Variants in PELI3 observed in about 807,000 individuals in gnomAD.
PELI3 encodes pellino E3 ubiquitin protein ligase family member 3.
Under a neutral mutation model 35.5 loss-of-function variants are expected in PELI3, and 19 were observed. The observed-to-expected ratio is 0.54, with a 90% CI of 0.37 to 0.79. The LOEUF (loss-of-function observed/expected upper bound fraction) is 0.79. Among genes scored for constraint, PELI3 ranks in the 30% least tolerant of loss-of-function variants. The pLI is 0.00. For synonymous variants in PELI3, 262 were observed against 279.2 expected (o/e 0.94, Z 0.62); for missense variants, 490 against 661.2 (o/e 0.74, Z 2.84).
rs376841377 is a variant in PELI3, at chr11:66,468,959, C to G, written c.224+55C>G. On this transcript the variant is annotated intron_variant, in intron 3 of 7. Coordinates refer to ENST00000320740, the MANE Select transcript of PELI3 (RefSeq NM_145065.3). ...GGTCTTTCTTACTCTAGGTCTAGTG[C>G]GCTTTCACTAAGCCACAGCTGACCC... is the stretch of plus-strand genomic sequence containing the variant. 1.2e-5 allele frequency: 8 copies of G among 692,980 alleles called. No homozygotes were observed. In the East Asian group the frequency reaches 1.9e-4, roughly 16 times the overall value. The allele number at this position is 692,980 out of a possible 1,614,324, so 42.9% of individuals were successfully genotyped here.
At chr11:66,471,183 T>G in intron 3 of PELI3, 59 bp from the exon 4 acceptor site, 1 of 1,537,972 alleles carries the variant, frequency 6.5e-7, no homozygotes, top group Non-Finnish European at 8.9e-7. Context: ...AGGGGTTCAC[T>G]TTCTCTCTTT....
chr11:66,476,435 G>A lies in PELI3; in HGVS notation c.*268G>A. The stretch of plus-strand genomic sequence containing the variant: ...CCAGCCCCATGGCCTTGCCCTTCCT[G>A]GGGCATCCCACATCGTGCCGCCGAC... On this transcript the variant is annotated 3_prime_UTR_variant, in exon 8 of 8. Coordinates refer to ENST00000320740, the MANE Select transcript of PELI3 (RefSeq NM_145065.3). 1 of 519,128 alleles carries A rather than the reference G, an allele frequency of 1.9e-6. No individual in the cohort carries two copies. Among genetic ancestry groups the A allele is most frequent in the East Asian group, 3.4e-5 (1 of 29,754 alleles). The allele number at this position is 519,128 out of a possible 1,614,324, so 32.2% of individuals were successfully genotyped here.
rs1299469880 is a variant in PELI3, at chr11:66,472,410, G to A, written c.396G>A (p.Leu132=). The A allele has an allele frequency of 4.3e-6, 7 of 1,613,964 alleles. No individual in the cohort carries two copies. The highest frequency in any genetic ancestry group is 1.6e-4 in the Middle Eastern group (1 of 6,084). ...GTCAGCACAGCATCTCGTATACACTGTCCCGGAGCCACTCGGTCATAGTGG... is the reference window on the plus strand; with the variant it reads ...GTCAGCACAGCATCTCGTATACACTATCCCGGAGCCACTCGGTCATAGTGG... ...NRGQHSISYT[L]SRSHSVIVEY... The change falls in exon 5 of 8, where the codon CTG becomes CTA. Residue 132 remains leucine, a synonymous_variant. Coordinates refer to ENST00000320740, the MANE Select transcript of PELI3 (RefSeq NM_145065.3).
At position 66,473,609 on chromosome 11, in the gene PELI3, C is replaced by A; in HGVS notation, c.652-128C>A. 7.3e-7 allele frequency: 1 copy of A among 1,365,152 alleles called. No individual in the cohort carries two copies. Among genetic ancestry groups the A allele is most frequent in the Non-Finnish European group, 9.9e-7 (1 of 1,005,674 alleles). The allele number at this position is 1,365,152 out of a possible 1,614,324, so 84.6% of individuals were successfully genotyped here. ...GTGAGGCCCAGAGAGACGCTCAAGT[C>A]ATGCAGCTTCAATGCCAGTCCTCTC... On this transcript the variant is annotated intron_variant, in intron 6 of 7. Coordinates refer to ENST00000320740, the MANE Select transcript of PELI3 (RefSeq NM_145065.3). The surrounding 1 kb of genome is among the most constrained non-coding windows in gnomAD (Gnocchi z 5.8).
intron 3 of PELI3, among the ~76,000 whole-genome samples, chr11:66,469,215 A>AT (rs139596578): frequency 2.2e-4 from 33 of 149,822 alleles, no homozygotes; most frequent in African/African-American, 3.2e-4. Context: ...TATCATTAAG[A>AT]TTTTTTTTTA....
At chr11:66,475,475 C>G (rs551267888) in intron 7 of PELI3, 123 bp from the exon 8 acceptor site, 2 of 1,049,466 alleles carry the variant, frequency 1.9e-6, no homozygotes. Flanking sequence ...CCTAGCCTGC[C>G]TTGCTCCTCT....
At position 66,475,872 on chromosome 11, in the gene PELI3, G is replaced by C; in HGVS notation, c.1115G>C (p.Gly372Ala). 1 of 1,606,210 alleles carries C rather than the reference G, an allele frequency of 6.2e-7. No homozygotes were observed. Among genetic ancestry groups the C allele is most frequent in the Non-Finnish European group, 8.5e-7 (1 of 1,177,356 alleles). ...CGHVHGYHGWGCRRERGPQER... is the reference protein window; with the variant it reads ...CGHVHGYHGWACRRERGPQER... ...CACGTCCATGGCTACCACGGCTGGG[G>C]CTGCCGGCGGGAGCGGGGCCCCCAG... Residue 372 changes from glycine to alanine, a missense_variant, in exon 8 of 8, where the codon GGC becomes GCC. Gly to Ala is a moderately conservative substitution (Grantham distance 60, BLOSUM62 0). Coordinates refer to ENST00000320740, the MANE Select transcript of PELI3 (RefSeq NM_145065.3).
At chr11:66,470,091 C>T (rs567586553) in intron 3 of PELI3, among the ~76,000 whole-genome samples, 1 of 152,242 alleles carries the variant, frequency 6.6e-6, no homozygotes, top group Admixed American at 6.5e-5. Context: ...TGAGCCACTG[C>T]GCCCGGCCTC....
At chr11:66,472,192 G>T (rs1451930653) in intron 4 of PELI3, among the ~76,000 whole-genome samples, 177 bp from the exon 5 acceptor site, 1 of 152,024 alleles carries the variant, frequency 6.6e-6, no homozygotes, top group Non-Finnish European at 1.5e-5. Flanking sequence ...CCATCCTTAG[G>T]GTGACTGTAG....
Position 66,477,218 on chromosome 11 carries a change from G to T in PELI3, c.*1051G>T, listed in dbSNP as rs1439094824. The T allele has an allele frequency of 6.6e-6, 1 of 152,210 alleles. No homozygotes were observed. The highest frequency in any genetic ancestry group is 1.9e-4 in the East Asian group (1 of 5,182). The allele number at this position is 152,210 out of a possible 1,614,324, so 9.4% of individuals were successfully genotyped here. A position where few individuals can be genotyped will look rare whatever the true frequency, so the allele number is the denominator to read the frequency against. On this transcript the variant is annotated 3_prime_UTR_variant, in exon 8 of 8. Coordinates refer to ENST00000320740, the MANE Select transcript of PELI3 (RefSeq NM_145065.3). ...AGGAGTCAACAAAGGGAGGAGAGAGGACTCACTGGTCAAGAGTGTCGGCTG... is the reference window on the plus strand; with the variant it reads ...AGGAGTCAACAAAGGGAGGAGAGAGTACTCACTGGTCAAGAGTGTCGGCTG...
chr11:66,472,840 C>T (rs1469050085), intron 5 of PELI3, among the ~76,000 whole-genome samples: 1 of 152,184 alleles, frequency 6.6e-6, no homozygotes, highest in African/African-American at 2.4e-5. Context: ...TAGTACCCAC[C>T]CCACGGGAAG....
At chr11:66,468,362 C>T (rs1464312855) in intron 2 of PELI3, 82 bp downstream of exon 2, 1 of 1,327,092 alleles carries the variant, frequency 7.5e-7, no homozygotes, top group Non-Finnish European at 9.9e-7. Flanking sequence ...CCCTCCTCCC[C>T]CCACATAGGG....
chr11:66,468,077 C>T, intron 1 of PELI3, 51 bp from the exon 2 acceptor site: 30 of 1,518,626 alleles, frequency 2.0e-5, no homozygotes, highest in Non-Finnish European at 2.6e-5. Flanking sequence ...TGGAATTGAG[C>T]CGGGCTGGGG....
intron 3 of PELI3, 36 bp from the exon 4 acceptor site, chr11:66,471,206 T>G (rs764420282): frequency 5.7e-6 from 9 of 1,587,134 alleles, no homozygotes; most frequent in Non-Finnish European, 7.8e-6. Flanking sequence ...CTCTCTCCTC[T>G]TGCAACCCCT....
Position 66,473,999 on chromosome 11 carries a change from C to T in PELI3, c.840+74C>T. ...AAGCTGCCCATCCCCCTGCCCAAGC[C>T]AGGAGATGATCTCCAGTCCTTCTGC... On this transcript the variant is annotated intron_variant, in intron 7 of 7. Transcript: ENST00000320740. This position sits in a 1 kb window ranked among gnomAD's most constrained non-coding sequence, Gnocchi z 5.8. 6.4e-7 allele frequency: 1 copy of T among 1,565,018 alleles called. No individual in the cohort carries two copies. The highest frequency in any genetic ancestry group is 1.7e-4 in the Middle Eastern group (1 of 6,004).
intron 1 of PELI3, 43 bp from the exon 2 acceptor site, chr11:66,468,085 G>T: frequency 6.5e-7 from 1 of 1,539,836 alleles, no homozygotes; most frequent in Non-Finnish European, 8.8e-7. Context: ...AGCCGGGCTG[G>T]GGTGGGAACC....
chr11:66,471,384 C>T lies in PELI3; in HGVS notation c.354+13C>T. ...GCTCGTCTCCAAGGCAAGCAACTGA[C>T]CCATAGACCTGAGGTCCTGCCCTCC... On this transcript the variant is annotated intron_variant, in intron 4 of 7. Transcript: ENST00000320740. 6.2e-7 allele frequency: 1 copy of T among 1,613,268 alleles called. No individual in the cohort carries two copies. The highest frequency in any genetic ancestry group is 8.5e-7 in the Non-Finnish European group (1 of 1,179,528).
chr11:66,470,914 C>T (rs1854692532), intron 3 of PELI3, among the ~76,000 whole-genome samples: 2 of 152,152 alleles, frequency 1.3e-5, no homozygotes, highest in African/African-American at 4.8e-5. Context: ...AGGAACCCCT[C>T]CACTGAGGGC....
chr11:66,473,524 C>A lies in PELI3; in HGVS notation c.651+89C>A. The A allele has an allele frequency of 7.0e-7, 1 of 1,427,358 alleles. No individual in the cohort carries two copies. The highest frequency in any genetic ancestry group is 2.4e-5 in the Admixed American group (1 of 42,342). The allele number at this position is 1,427,358 out of a possible 1,614,324, so 88.4% of individuals were successfully genotyped here. ...GCAGCATCTTGAGGTGATGAACCAG[C>A]CCACAGTAATCCAAATGGTGGTCCT... On this transcript the variant is annotated intron_variant, in intron 6 of 7. Transcript: ENST00000320740. This position sits in a 1 kb window ranked among gnomAD's most constrained non-coding sequence, Gnocchi z 5.8.
Sources: gnomAD v4.1 joint callset for allele counts (sites outside exome capture counted in the v4.1 genomes callset) on GRCh38, gnomAD v4.1.1 for gene constraint, Gnocchi (gnomAD v3.1) non-coding constraint, MANE v1.5 for transcripts, NCBI Gene and HGNC (gene_info 2026-07-23, HGNC 2026-07-21) for gene names.